SDK1: variants seen among roughly 807,000 people sequenced by gnomAD.
SDK1 encodes the protein sidekick cell adhesion molecule 1.
Under a neutral mutation model 245.5 loss-of-function variants are expected in SDK1, and 157 were observed. The ratio of observed to expected loss-of-function variants is 0.64; its 90% CI spans 0.56 to 0.73. SDK1 has a LOEUF of 0.73. Among genes scored for constraint, SDK1 ranks in the 30% least tolerant of loss-of-function variants. The probability of loss-of-function intolerance (pLI) is 0.00; values close to 1 mark genes in which losing one functional copy is unlikely to be tolerated. For missense variants in SDK1, 3,583 were observed against 3,002.3 expected, an observed-to-expected ratio of 1.19 and a Z score of -4.52; for synonymous variants, 1,647 against 1,278.5, an observed-to-expected ratio of 1.29 and a Z score of -6.15.
intron 1 of SDK1, among the ~76,000 whole-genome samples, chr7:3,469,792 A>T (rs538594458): frequency 3.9e-5 from 6 of 152,238 alleles, no homozygotes; most frequent in African/African-American, 1.4e-4. Flanking sequence ...CTAAAGAGAG[A>T]TTAAGAATAA....
intron 18 of SDK1, among the ~76,000 whole-genome samples, chr7:4,051,227 T>C (rs987445261): frequency 2.8e-5 from 4 of 142,728 alleles, no homozygotes; most frequent in African/African-American, 5.1e-5. Flanking sequence ...ACATATACTA[T>C]ATATGTTATA....
intron 4 of SDK1, among the ~76,000 whole-genome samples, chr7:3,710,345 C>A (rs1785013953): frequency 6.6e-6 from 1 of 152,186 alleles, no homozygotes. Flanking sequence ...CACTTAGTAA[C>A]TTTCTTGTTG....
intron 1 of SDK1, among the ~76,000 whole-genome samples, chr7:3,417,250 G>A (rs796249564): frequency 3.3e-5 from 5 of 152,274 alleles, no homozygotes; most frequent in Admixed American, 1.3e-4. Context: ...ATAAGCTAAA[G>A]TGTAAATAAT....
intron 35 of SDK1, among the ~76,000 whole-genome samples, chr7:4,192,052 C>G (rs1274622317): frequency 6.6e-6 from 1 of 152,186 alleles, no homozygotes; most frequent in Non-Finnish European, 1.5e-5. Flanking sequence ...GCCTGTTTCT[C>G]TGTTGTTTAA....
chr7:3,385,964 C>T (rs897779230), intron 1 of SDK1, among the ~76,000 whole-genome samples: 2 of 152,142 alleles, frequency 1.3e-5, no homozygotes, highest in South Asian at 4.1e-4. Flanking sequence ...CTCTCCCTTT[C>T]CTCTGCATGG....
chr7:4,138,947 T>C (rs1779277445), intron 28 of SDK1, among the ~76,000 whole-genome samples: 1 of 152,322 alleles, frequency 6.6e-6, no homozygotes, highest in South Asian at 2.1e-4. Context: ...TTTCTGTGGC[T>C]GCCGGAGCCT....
intron 2 of SDK1, among the ~76,000 whole-genome samples, chr7:3,636,236 CT>C (rs1411008334): frequency 6.6e-6 from 1 of 152,132 alleles, no homozygotes; most frequent in Non-Finnish European, 1.5e-5. Context: ...ACACATAAAA[CT>C]TACCCTCTTA....
At chr7:3,837,291 A>G (rs989142759) in intron 5 of SDK1, among the ~76,000 whole-genome samples, 12 of 152,196 alleles carry the variant, frequency 7.9e-5, no homozygotes, top group Admixed American at 4.6e-4. Flanking sequence ...AGCCCACACA[A>G]TACCTTAAAA....
intron 19 of SDK1, among the ~76,000 whole-genome samples, chr7:4,063,376 G>A (rs1162052547): frequency 6.6e-6 from 1 of 151,934 alleles, no homozygotes; most frequent in Non-Finnish European, 1.5e-5. Flanking sequence ...AACATATCTA[G>A]GAATTAATTT....
intron 32 of SDK1, among the ~76,000 whole-genome samples, chr7:4,169,127 C>T (rs763992361): frequency 6.6e-5 from 10 of 152,218 alleles, no homozygotes; most frequent in Non-Finnish European, 1.5e-5. Flanking sequence ...AAGTCACTGC[C>T]ATCTCTCATT....
rs531586338 is a variant in SDK1 at position 3,706,114 on chromosome 7, A to G, written c.713+64009A>G. Among the ~76,000 whole-genome samples the G allele has an allele frequency of 9.5e-4, 145 of 152,232 alleles. 1 individual carries two copies. The highest frequency in any genetic ancestry group is 3.4e-3 in the African/African-American group (140 of 41,522). The stretch of plus-strand genomic sequence containing the variant: ...AACCTCCCTGCATTTCTGGAATGAA[A>G]CCCACTTGAGCATGGTTATTATATT... On this transcript the variant is annotated intron_variant, in intron 4 of 44. Transcript: ENST00000404826.
chr7:4,013,679 C>G (rs960842049), intron 16 of SDK1, among the ~76,000 whole-genome samples: 5 of 152,200 alleles, frequency 3.3e-5, no homozygotes, highest in African/African-American at 1.2e-4. Context: ...AACCAATTTG[C>G]CGCTGTTTAC....
rs775742712 is a variant in SDK1 at position 3,709,846 on chromosome 7, C to T, written c.713+67741C>T. The stretch of plus-strand genomic sequence containing the variant: ...AAAGGGTAGAAGCTGTAGGCTCTCT[C>T]CTCCTGCTGTTTGTCATCAAGGCCC... On this transcript the variant is annotated intron_variant, in intron 4 of 44. Transcript: ENST00000404826. Among the ~76,000 whole-genome samples, 6 of 152,190 alleles carry T rather than the reference C, an allele frequency of 3.9e-5. No homozygotes were observed. The East Asian group carries it at 5.8e-4, about 15-fold the overall frequency.
rs543466606 is a variant in SDK1, at chr7:3,679,612, G to A, written c.713+37507G>A. On this transcript the variant is annotated intron_variant, in intron 4 of 44. Transcript: ENST00000404826. ...CAAAGGAGATTAATAGACATTTCATGGAAGAGGATATACAGATGTCAAACA... is the reference window on the plus strand; with the variant it reads ...CAAAGGAGATTAATAGACATTTCATAGAAGAGGATATACAGATGTCAAACA... Among the ~76,000 whole-genome samples the A allele has an allele frequency of 6.1e-4, 93 of 152,272 alleles. 1 individual carries two copies. Among genetic ancestry groups the A allele is most frequent in the African/African-American group, 2.2e-3 (92 of 41,546 alleles).
chr7:3,439,613 A>G (rs1179285667), intron 1 of SDK1, among the ~76,000 whole-genome samples: 5 of 152,236 alleles, frequency 3.3e-5, no homozygotes, highest in African/African-American at 9.6e-5. Context: ...CATAGTTAAT[A>G]CTTTCTAATG....
rs1355467371 is a variant in SDK1, at chr7:3,758,799, C to A, written c.714-62651C>A. Among the ~76,000 whole-genome samples the A allele has an allele frequency of 2.6e-5, 4 of 152,276 alleles. No individual in the cohort carries two copies. The South Asian group carries it at 6.2e-4, about 24-fold the overall frequency. On this transcript the variant is annotated intron_variant, in intron 4 of 44. Coordinates refer to ENST00000404826, the MANE Select transcript of SDK1 (RefSeq NM_152744.4). ...GCTTGTAGCCCCTGTGCTGTCACAT[C>A]CTCTAGGCCTCTCAGTGGACCCAGC...
chr7:3,442,704 C>T (rs1780230049), intron 1 of SDK1, among the ~76,000 whole-genome samples: 1 of 152,152 alleles, frequency 6.6e-6, no homozygotes, highest in Non-Finnish European at 1.5e-5. Flanking sequence ...AGTAATTGTA[C>T]AAGTTTAGTG....
At chr7:4,209,180 G>T (rs1011468782) in intron 37 of SDK1, among the ~76,000 whole-genome samples, 1 of 152,238 alleles carries the variant, frequency 6.6e-6, no homozygotes, top group Non-Finnish European at 1.5e-5. Flanking sequence ...TGAGCTGGAA[G>T]GATGTGGGCA....
chr7:4,122,900 AT>A (rs777588286), intron 25 of SDK1, among the ~76,000 whole-genome samples: 3 of 152,212 alleles, frequency 2.0e-5, no homozygotes, highest in Non-Finnish European at 2.9e-5. Context: ...TCCTCGTAGG[AT>A]TTAAATGCGC....
Sources: gnomAD v4.1 joint callset for allele counts (sites outside exome capture counted in the v4.1 genomes callset) on GRCh38, gnomAD v4.1.1 for gene constraint, MANE v1.5 for transcripts, NCBI Gene and HGNC (gene_info 2026-07-23, HGNC 2026-07-21) for gene names.